CNTN5: variants seen among roughly 807,000 people sequenced by gnomAD.
CNTN5 encodes contactin 5.
CNTN5 carries 77 observed loss-of-function variants against 129.1 expected under a neutral mutation model. That is an observed-to-expected ratio of 0.60 (90% confidence interval 0.50 to 0.72). The LOEUF is 0.72. Among genes scored for constraint, CNTN5 ranks in the 30% least tolerant of loss-of-function variants. The probability of loss-of-function intolerance (pLI) is 0.00; values close to 1 mark genes in which losing one functional copy is unlikely to be tolerated. For missense variants in CNTN5, 1,478 were observed against 1,328.8 expected (o/e 1.11, Z -1.75); for synonymous variants, 509 against 465.6 (o/e 1.09, Z -1.20).
chr11:99,969,441 G>A (rs1483314493), intron 8 of CNTN5, among the ~76,000 whole-genome samples: 9 of 152,066 alleles, frequency 5.9e-5, no homozygotes, highest in Non-Finnish European at 1.3e-4. Context: ...ATTCACTTAC[G>A]TTTATCTAAC....
chr11:99,831,410 C>T (rs187970653), intron 4 of CNTN5, among the ~76,000 whole-genome samples: 4 of 152,232 alleles, frequency 2.6e-5, no homozygotes, highest in South Asian at 2.1e-4. Context: ...GTTCAACTTT[C>T]GAAGTATTGC....
intron 6 of CNTN5, among the ~76,000 whole-genome samples, chr11:99,852,991 A>T (rs1183646766): frequency 1.3e-5 from 2 of 152,210 alleles, no homozygotes; most frequent in African/African-American, 4.8e-5. Context: ...ATGATAAAAC[A>T]GCAAAATATC....
At chr11:99,301,637 T>C (rs922260056) in intron 1 of CNTN5, among the ~76,000 whole-genome samples, 5 of 151,526 alleles carry the variant, frequency 3.3e-5, no homozygotes, top group Non-Finnish European at 5.9e-5. Flanking sequence ...AATGAAAAAA[T>C]AGCTGGAGAA....
intron 7 of CNTN5, among the ~76,000 whole-genome samples, chr11:99,929,706 T>C (rs990974562): frequency 6.6e-5 from 10 of 152,192 alleles, no homozygotes; most frequent in African/African-American, 2.2e-4. Context: ...GCCCCCGTGA[T>C]TAAATTATCC....
intron 3 of CNTN5, among the ~76,000 whole-genome samples, chr11:99,775,856 G>T (rs1256338586): frequency 1.3e-5 from 2 of 151,682 alleles, no homozygotes; most frequent in African/African-American, 4.8e-5. Context: ...TATCAAGAAA[G>T]AAGGAAAAGA....
At chr11:100,032,101 T>C (rs557647786) in intron 9 of CNTN5, among the ~76,000 whole-genome samples, 1 of 152,316 alleles carries the variant, frequency 6.6e-6, no homozygotes, top group East Asian at 1.9e-4. Flanking sequence ...TCTATTCAAC[T>C]TGAAACAATG....
intron 2 of CNTN5, among the ~76,000 whole-genome samples, chr11:99,507,243 G>A (rs1306593837): frequency 6.6e-6 from 1 of 151,754 alleles, no homozygotes; most frequent in Non-Finnish European, 1.5e-5. Context: ...TAGGCATGGT[G>A]GTGCGCACCT....
chr11:99,382,844 A>ATTTTTTTT lies in CNTN5; in HGVS notation c.-71+57360_-71+57361insTTTTTTTT, dbSNP rs774797660. Among the ~76,000 whole-genome samples the ATTTTTTTT allele has an allele frequency of 2.2e-3, 150 of 69,418 alleles. 11 individuals carry two copies. Among genetic ancestry groups the ATTTTTTTT allele is most frequent in the Middle Eastern group, 0.011 (1 of 92 alleles). 45.5% of individuals were successfully genotyped at this position (69,418 alleles called of 152,430 possible). On this transcript the variant is annotated intron_variant, in intron 2 of 24. Coordinates refer to ENST00000524871, the MANE Select transcript of CNTN5 (RefSeq NM_014361.4). ...CACATCTCACTAGTGTCTCTAAATA[A>ATTTTTTTT]CTTTTTTTTTTTTTTTTTTTTTTTT...
intron 16 of CNTN5, among the ~76,000 whole-genome samples, chr11:100,241,766 A>C (rs1949746970): frequency 2.0e-5 from 3 of 152,220 alleles, no homozygotes; most frequent in Non-Finnish European, 2.9e-5. Flanking sequence ...TCATGCTCTA[A>C]GTAAGACCGC....
chr11:100,322,925 T>C (rs1344924470), intron 21 of CNTN5, among the ~76,000 whole-genome samples: 2 of 152,232 alleles, frequency 1.3e-5, no homozygotes, highest in African/African-American at 2.4e-5. Context: ...TAATCTATTA[T>C]GAATCAATGA....
At chr11:100,352,459 G>T (rs1485003694) in intron 24 of CNTN5, among the ~76,000 whole-genome samples, 2 of 151,568 alleles carry the variant, frequency 1.3e-5, no homozygotes, top group Non-Finnish European at 3.0e-5. Flanking sequence ...TCTGCTATCT[G>T]CAATTCATTT....
chr11:99,462,361 T>TTTTC (rs1944742226), intron 2 of CNTN5, among the ~76,000 whole-genome samples: 2 of 15,170 alleles, frequency 1.3e-4, no homozygotes, highest in Non-Finnish European at 1.5e-4. Context: ...TTTTCTTTTC[T>TTTTC]TTTTTTTTTT....
At chr11:100,350,195 C>T (rs371470674) in intron 23 of CNTN5, among the ~76,000 whole-genome samples, 2 of 151,712 alleles carry the variant, frequency 1.3e-5, no homozygotes, top group South Asian at 4.1e-4. Context: ...TTTGTTTACT[C>T]CTTTCAAACT....
chr11:99,190,055 A>T (rs2135589056), intron 1 of CNTN5, among the ~76,000 whole-genome samples: 1 of 151,698 alleles, frequency 6.6e-6, no homozygotes, highest in Admixed American at 6.6e-5. Context: ...TTTGAATTTT[A>T]ACTTATTTGA....
chr11:100,130,702 A>T (rs926724240), intron 13 of CNTN5, among the ~76,000 whole-genome samples: 2 of 152,050 alleles, frequency 1.3e-5, no homozygotes, highest in African/African-American at 2.4e-5. Context: ...ATTCTCCTAG[A>T]TAAGATTTGG....
chr11:100,129,253 T>C (rs1044860604), intron 13 of CNTN5, among the ~76,000 whole-genome samples: 3 of 152,184 alleles, frequency 2.0e-5, no homozygotes, highest in African/African-American at 4.8e-5. Flanking sequence ...TATTTTGAAG[T>C]GGCTATACCC....
chr11:100,230,390 A>C (rs1050201170), intron 16 of CNTN5, among the ~76,000 whole-genome samples: 1 of 152,198 alleles, frequency 6.6e-6, no homozygotes, highest in Non-Finnish European at 1.5e-5. Context: ...TCTTTTAGAC[A>C]CTGAAAAGCA....
At chr11:99,761,511 C>A (rs373669382) in intron 3 of CNTN5, among the ~76,000 whole-genome samples, 1 of 151,446 alleles carries the variant, frequency 6.6e-6, no homozygotes, top group Non-Finnish European at 1.5e-5. Flanking sequence ...TGAGAATATG[C>A]GGTGTTTGGT....
At chr11:99,481,012 A>G (rs564451427) in intron 2 of CNTN5, among the ~76,000 whole-genome samples, 1 of 152,180 alleles carries the variant, frequency 6.6e-6, no homozygotes, top group Admixed American at 6.5e-5. Flanking sequence ...ACCTACTCTC[A>G]CTCAGCTTAC....
Sources: gnomAD v4.1 joint callset for allele counts (sites outside exome capture counted in the v4.1 genomes callset) on GRCh38, gnomAD v4.1.1 for gene constraint, MANE v1.5 for transcripts, NCBI Gene and HGNC (gene_info 2026-07-23, HGNC 2026-07-21) for gene names.